The following CHCHD6 variants were observed in gnomAD, a reference collection of about 807,000 sequenced individuals.
CHCHD6 encodes the protein coiled-coil-helix-coiled-coil-helix domain containing 6, also known as MICOS complex subunit MIC25.
In CHCHD6, 28 loss-of-function variants were observed where a neutral mutation model predicts 32.3. That is an observed-to-expected ratio of 0.87 (90% confidence interval 0.64 to 1.19). The LOEUF is 1.19. CHCHD6 is among the 50% of genes most tolerant of loss of function. CHCHD6 has a pLI of 0.00. For missense variants in CHCHD6, 333 were observed against 307.0 expected, an observed-to-expected ratio of 1.08 and a Z score of -0.63; for synonymous variants, 122 against 117.5, an observed-to-expected ratio of 1.04 and a Z score of -0.25.
intron 5 of CHCHD6, among the ~76,000 whole-genome samples, chr3:126,882,907 C>T (rs1369086870): frequency 6.6e-6 from 1 of 152,208 alleles, no homozygotes; most frequent in East Asian, 1.9e-4. Flanking sequence ...CTGGCAGCCC[C>T]TAGGCAGCTT....
At chr3:126,893,640 A>G (rs1576566485) in intron 5 of CHCHD6, among the ~76,000 whole-genome samples, 1 of 152,234 alleles carries the variant, frequency 6.6e-6, no homozygotes, top group South Asian at 2.1e-4. Context: ...AAATTTGCCT[A>G]TGAAAGGAAC....
intron 1 of CHCHD6, among the ~76,000 whole-genome samples, chr3:126,708,288 T>A (rs999521410): frequency 2.6e-5 from 4 of 152,214 alleles, no homozygotes; most frequent in African/African-American, 9.6e-5. Context: ...TGAGGTGAAG[T>A]AACCCAAGGT....
intron 4 of CHCHD6, among the ~76,000 whole-genome samples, chr3:126,847,008 G>A (rs1466247057): frequency 4.6e-5 from 7 of 152,074 alleles, no homozygotes; most frequent in African/African-American, 9.7e-5. Flanking sequence ...CAAGTCGTTA[G>A]GGTTTTTTTC....
chr3:126,950,702 G>A (rs909296535), intron 6 of CHCHD6, among the ~76,000 whole-genome samples: 4 of 152,072 alleles, frequency 2.6e-5, no homozygotes, highest in South Asian at 2.1e-4. Flanking sequence ...CGCCTGCATC[G>A]GCCTCCCAAA....
At chr3:126,743,812 C>G (rs1936383603) in intron 4 of CHCHD6, among the ~76,000 whole-genome samples, 2 of 152,164 alleles carry the variant, frequency 1.3e-5, no homozygotes, top group Non-Finnish European at 2.9e-5. Flanking sequence ...TGAGAGAAGT[C>G]CAGGCCAGTC....
chr3:126,842,282 CA>C (rs924949085), intron 4 of CHCHD6, among the ~76,000 whole-genome samples: 15 of 152,242 alleles, frequency 9.9e-5, no homozygotes, highest in African/African-American at 3.6e-4. Flanking sequence ...ATCCCAGATC[CA>C]AAGAATCTTG....
At chr3:126,770,930 G>C (rs1044883943) in intron 4 of CHCHD6, among the ~76,000 whole-genome samples, 2 of 152,162 alleles carry the variant, frequency 1.3e-5, no homozygotes, top group Admixed American at 6.5e-5. Flanking sequence ...AAATCTGGTA[G>C]AATTCAGCTG....
intron 4 of CHCHD6, among the ~76,000 whole-genome samples, chr3:126,849,831 C>G (rs1208697040): frequency 1.3e-5 from 2 of 152,210 alleles, no homozygotes; most frequent in Admixed American, 6.5e-5. Flanking sequence ...ACAATTCTGT[C>G]TGTCACATAG....
chr3:126,857,880 GA>G (rs1392474884), intron 5 of CHCHD6, among the ~76,000 whole-genome samples: 1 of 152,234 alleles, frequency 6.6e-6, no homozygotes, highest in Non-Finnish European at 1.5e-5. Context: ...AGCCACTGTG[GA>G]AGATCGATAG....
intron 4 of CHCHD6, among the ~76,000 whole-genome samples, chr3:126,753,960 G>A (rs954525877): frequency 6.6e-6 from 1 of 152,202 alleles, no homozygotes; most frequent in Admixed American, 6.5e-5. Flanking sequence ...GGAAGGTGGT[G>A]TATAAATTCC....
intron 6 of CHCHD6, among the ~76,000 whole-genome samples, chr3:126,952,108 C>T (rs1457170933): frequency 6.6e-6 from 1 of 152,204 alleles, no homozygotes; most frequent in East Asian, 1.9e-4. Flanking sequence ...TTTTAGAAAT[C>T]TGTGGCCTGC....
chr3:126,833,706 A>G (rs968556772), intron 4 of CHCHD6, among the ~76,000 whole-genome samples: 1 of 152,160 alleles, frequency 6.6e-6, no homozygotes, highest in Non-Finnish European at 1.5e-5. Flanking sequence ...TCTCGAGAAG[A>G]TTGTTGAAAA....
intron 5 of CHCHD6, among the ~76,000 whole-genome samples, chr3:126,864,648 TTCC>T (rs759238809): frequency 2.0e-4 from 21 of 106,212 alleles, no homozygotes; most frequent in Middle Eastern, 9.8e-3. Context: ...ATTACCTTTT[TTCC>T]TCCTCCTCCA....
At chr3:126,954,927 G>T (rs1244238945) in intron 6 of CHCHD6, among the ~76,000 whole-genome samples, 1 of 152,240 alleles carries the variant, frequency 6.6e-6, no homozygotes, top group Admixed American at 6.5e-5. Flanking sequence ...CTGGGGAGGG[G>T]AGAGCACAGC....
At chr3:126,775,773 G>A (rs1466629081) in intron 4 of CHCHD6, among the ~76,000 whole-genome samples, 1 of 152,214 alleles carries the variant, frequency 6.6e-6, no homozygotes, top group Non-Finnish European at 1.5e-5. Flanking sequence ...AGTTGCTTCT[G>A]CGGGTTTTGG....
intron 4 of CHCHD6, among the ~76,000 whole-genome samples, chr3:126,789,128 A>G (rs1447975277): frequency 6.6e-6 from 1 of 152,136 alleles, no homozygotes; most frequent in Non-Finnish European, 1.5e-5. Flanking sequence ...ATAGTTGAGC[A>G]GTTTTGAGTG....
chr3:126,744,580 C>T (rs1936415405), intron 4 of CHCHD6, among the ~76,000 whole-genome samples: 1 of 152,206 alleles, frequency 6.6e-6, no homozygotes, highest in Non-Finnish European at 1.5e-5. Flanking sequence ...GCCCAGTTGG[C>T]AGTGGCTTAA....
In CHCHD6 at chr3:126,890,109, C is replaced by T. The variant is rs142746745; in HGVS notation, c.496-24571C>T. Reference sequence around the variant, plus strand: ...CCCCCAAGGTGCTCCAGCTCACTGTCGGGGCCTTCCTAGGCCATGTGCCAG... The same window carrying T: ...CCCCCAAGGTGCTCCAGCTCACTGTTGGGGCCTTCCTAGGCCATGTGCCAG... On this transcript the variant is annotated intron_variant, in intron 5 of 7. Transcript: ENST00000290913. Among the ~76,000 whole-genome samples, 33 of 152,340 alleles carry T rather than the reference C, an allele frequency of 2.2e-4. No individual in the cohort carries two copies. The East Asian group carries it at 3.7e-3, about 17-fold the overall frequency.
At chr3:126,925,017 T>C (rs1295534649) in intron 6 of CHCHD6, among the ~76,000 whole-genome samples, 2 of 152,222 alleles carry the variant, frequency 1.3e-5, no homozygotes, top group East Asian at 3.8e-4. Flanking sequence ...TAATGAGAGA[T>C]GAAGCTTGCA....
Sources: allele counts gnomAD v4.1 joint callset (sites outside exome capture counted in the v4.1 genomes callset), GRCh38; gene constraint gnomAD v4.1.1; transcripts MANE v1.5; gene names NCBI Gene and HGNC (gene_info 2026-07-23, HGNC 2026-07-21).